The following ANTXR2 variants were observed in gnomAD, a reference collection of about 807,000 sequenced individuals.
The protein encoded by ANTXR2 is anthrax toxin receptor 2.
ANTXR2 carries 44 observed loss-of-function variants against 73.7 expected under a neutral mutation model. That is an observed-to-expected ratio of 0.60 (90% CI 0.47 to 0.77). ANTXR2 has a LOEUF of 0.77. Ranked by LOEUF, ANTXR2 falls within the 30% of genes least tolerant of loss-of-function variation. ANTXR2 has a pLI of 0.00. For missense variants in ANTXR2, 604 were observed against 592.5 expected, an observed-to-expected ratio of 1.02 and a Z score of -0.20; for synonymous variants, 217 against 205.9, an observed-to-expected ratio of 1.05 and a Z score of -0.46.
chr4:79,924,573 A>G (rs1727711133), intron 16 of ANTXR2, among the ~76,000 whole-genome samples: 1 of 152,124 alleles, frequency 6.6e-6, no homozygotes, highest in South Asian at 2.1e-4. Context: ...TTAATGAAAA[A>G]GTTCTTAATC....
chr4:80,072,199 C>T (rs1734821762), intron 1 of ANTXR2, among the ~76,000 whole-genome samples: 1 of 152,184 alleles, frequency 6.6e-6, no homozygotes, highest in Non-Finnish European at 1.5e-5. Context: ...AGCCAAGTAG[C>T]CCGGGGCTCC....
chr4:79,948,955 C>A (rs560702745), intron 16 of ANTXR2, among the ~76,000 whole-genome samples: 1 of 152,090 alleles, frequency 6.6e-6, no homozygotes, highest in Non-Finnish European at 1.5e-5. Context: ...CACTATTATT[C>A]CTTTCTCTGA....
At chr4:80,036,952 C>T (rs530084090) in intron 7 of ANTXR2, among the ~76,000 whole-genome samples, 1 of 152,176 alleles carries the variant, frequency 6.6e-6, no homozygotes. Context: ...AGCCAATATT[C>T]TTTTTAAAAA....
intron 12 of ANTXR2, among the ~76,000 whole-genome samples, chr4:79,990,512 G>C (rs1043391235): frequency 3.3e-5 from 5 of 151,812 alleles, no homozygotes; most frequent in African/African-American, 1.2e-4. Context: ...AGCATTCTAT[G>C]CTCATGAATA....
chr4:80,029,538 C>T (rs1204726335), intron 10 of ANTXR2, among the ~76,000 whole-genome samples: 1 of 151,940 alleles, frequency 6.6e-6, no homozygotes, highest in Admixed American at 6.6e-5. Context: ...ATGAGTCAGA[C>T]ATTGTGTTAA....
chr4:80,029,108 T>C (rs1014717036), intron 10 of ANTXR2, among the ~76,000 whole-genome samples: 3 of 152,116 alleles, frequency 2.0e-5, no homozygotes, highest in African/African-American at 7.2e-5. Context: ...TATTATGCTA[T>C]GTGTGATTAA....
chr4:79,985,277 G>A (rs567779404), intron 12 of ANTXR2, among the ~76,000 whole-genome samples: 1 of 151,658 alleles, frequency 6.6e-6, no homozygotes, highest in Non-Finnish European at 1.5e-5. Flanking sequence ...GTGAACCCGG[G>A]AGGCAGAGCT....
At chr4:80,014,080 A>G (rs1316799454) in intron 11 of ANTXR2, among the ~76,000 whole-genome samples, 5 of 151,946 alleles carry the variant, frequency 3.3e-5, no homozygotes, top group Non-Finnish European at 1.5e-5. Flanking sequence ...TTGGAATTCT[A>G]TCTTCCTTTG....
Position 80,028,034 on chromosome 4 carries a change from T to C in ANTXR2, c.866+3589A>G, listed in dbSNP as rs113839962. Among the ~76,000 whole-genome samples the C allele has an allele frequency of 7.3e-3, 1,114 of 152,234 alleles. 11 individuals carry two copies. The highest frequency in any genetic ancestry group is 0.025 in the African/African-American group (1,045 of 41,546). On this transcript the variant is annotated intron_variant, in intron 10 of 16. Coordinates refer to ENST00000403729, the MANE Select transcript of ANTXR2 (RefSeq NM_058172.6). ...GATTTTTCTTGGTAAAACAGTTTGT[T>C]TAATCATACACCATTTTAAAAGTAA...
intron 16 of ANTXR2, among the ~76,000 whole-genome samples, chr4:79,950,849 T>C (rs909795383): frequency 3.9e-5 from 6 of 152,144 alleles, no homozygotes; most frequent in African/African-American, 9.7e-5. Flanking sequence ...CTGAACTCCA[T>C]GGAACCAGCC....
intron 6 of ANTXR2, among the ~76,000 whole-genome samples, chr4:80,054,842 T>C (rs142139133): frequency 2.3e-4 from 35 of 151,398 alleles, no homozygotes; most frequent in Non-Finnish European, 4.1e-4. Context: ...CTACATATTA[T>C]ATATATAATA....
intron 16 of ANTXR2, chr4:79,965,142 TCA>T (rs1388342118): frequency 6.6e-6 from 1 of 152,226 alleles, no homozygotes; most frequent in African/African-American, 2.4e-5. Context: ...GTGACGGGAC[TCA>T]CAGAGTAAAT....
At chr4:79,953,273 T>C (rs1728772891) in intron 16 of ANTXR2, among the ~76,000 whole-genome samples, 1 of 150,904 alleles carries the variant, frequency 6.6e-6, no homozygotes, top group Non-Finnish European at 1.5e-5. Context: ...TTTTGTAAGA[T>C]GATTTTGGGC....
intron 16 of ANTXR2, among the ~76,000 whole-genome samples, chr4:79,937,318 G>A (rs758990569): frequency 9.2e-5 from 14 of 152,054 alleles, no homozygotes; most frequent in Non-Finnish European, 1.8e-4. Flanking sequence ...AAATTGAGCA[G>A]AAGAAAAAAA....
intron 2 of ANTXR2, among the ~76,000 whole-genome samples, chr4:80,070,085 T>C (rs527745636): frequency 4.6e-5 from 7 of 152,382 alleles, no homozygotes; most frequent in African/African-American, 1.4e-4. Context: ...CCCAGTCAGC[T>C]ATATCTTTCA....
chr4:79,972,994 A>G (rs538389495), intron 16 of ANTXR2, among the ~76,000 whole-genome samples: 5 of 151,974 alleles, frequency 3.3e-5, no homozygotes, highest in African/African-American at 1.2e-4. Flanking sequence ...GAAAATTAAC[A>G]TATAAAAATG....
chr4:80,054,367 G>C lies in ANTXR2; in HGVS notation c.556-15C>G, dbSNP rs766170379. 1.9e-6 allele frequency: 3 copies of C among 1,562,846 alleles called. No homozygotes were observed. The highest frequency in any genetic ancestry group is 2.6e-6 in the Non-Finnish European group (3 of 1,151,426). On this transcript the variant is annotated splice_polypyrimidine_tract_variant and intron_variant, in intron 6 of 16. Coordinates refer to ENST00000403729, the MANE Select transcript of ANTXR2 (RefSeq NM_058172.6). Reference sequence around the variant, plus strand: ...ATTCTTTCAAGCTTTAGAAAGAAGAGGAAGACTTAATTAAGGAGTGGCTGA... The same window carrying C: ...ATTCTTTCAAGCTTTAGAAAGAAGACGAAGACTTAATTAAGGAGTGGCTGA...
At chr4:80,062,591 A>T (rs1310280878) in intron 3 of ANTXR2, among the ~76,000 whole-genome samples, 2 of 152,246 alleles carry the variant, frequency 1.3e-5, no homozygotes, top group African/African-American at 2.4e-5. Flanking sequence ...TTTTCAAAAC[A>T]GGAGTAAATA....
intron 3 of ANTXR2, among the ~76,000 whole-genome samples, chr4:80,066,783 T>C (rs1734518035): frequency 6.6e-6 from 1 of 152,142 alleles, no homozygotes; most frequent in Admixed American, 6.5e-5. Context: ...AGAAGAAGCA[T>C]AAAGAGGTTA....
Sources: allele counts gnomAD v4.1 joint callset (sites outside exome capture counted in the v4.1 genomes callset), GRCh38; gene constraint gnomAD v4.1.1; transcripts MANE v1.5; gene names NCBI Gene and HGNC (gene_info 2026-07-23, HGNC 2026-07-21).